Variants in TDRD7 observed in about 807,000 individuals in gnomAD.
The protein encoded by TDRD7 is tudor domain containing 7.
TDRD7 carries 47 observed loss-of-function variants against 109.8 expected under a neutral mutation model. The observed-to-expected ratio is 0.43, with a 90% CI of 0.34 to 0.55. TDRD7 has a LOEUF of 0.55. Ranked by LOEUF, TDRD7 falls within the 20% of genes least tolerant of loss-of-function variation. The pLI is 0.03. For missense variants in TDRD7, 1,164 were observed against 1,319.2 expected, an observed-to-expected ratio of 0.88 and a Z score of 1.82; for synonymous variants, 424 against 457.3, an observed-to-expected ratio of 0.93 and a Z score of 0.93.
At chr9:97,432,947 T>G (rs1188906807) in intron 4 of TDRD7, among the ~76,000 whole-genome samples, 1 of 152,178 alleles carries the variant, frequency 6.6e-6, no homozygotes, top group East Asian at 1.9e-4. Context: ...CTCTGGGTGC[T>G]TTTGCAAAAT....
chr9:97,458,227 G>A (rs1274901951), intron 6 of TDRD7, among the ~76,000 whole-genome samples: 1 of 152,148 alleles, frequency 6.6e-6, no homozygotes, highest in Non-Finnish European at 1.5e-5. Context: ...ACGTTTCTGA[G>A]AATGTATTCC....
Position 97,460,346 on chromosome 9 carries a change from A to G in TDRD7, c.1024A>G (p.Lys342Glu), listed in dbSNP as rs945071729. 6.2e-7 allele frequency: 1 copy of G among 1,614,218 alleles called. No homozygotes were observed. The highest frequency in any genetic ancestry group is 8.5e-7 in the Non-Finnish European group (1 of 1,180,038). Reference protein sequence around the residue: ...GCPTVMAGDFKEKVADLLVKY... With the variant: ...GCPTVMAGDFEEKVADLLVKY... Reference sequence around the variant, plus strand: ...TCCAACAGTTATGGCAGGAGACTTTAAAGAAAAAGTGGCAGACCTGCTGGT... The same window carrying G: ...TCCAACAGTTATGGCAGGAGACTTTGAAGAAAAAGTGGCAGACCTGCTGGT... The change falls in exon 7 of 17, where the codon AAA becomes GAA. Residue 342 changes from lysine (K) to glutamate (E), a missense_variant. By Grantham distance (56) the Lys-to-Glu change is moderately conservative. This residue lies in a region of TDRD7 where 407 missense variants were observed against 394.0 expected (regional missense o/e 1.03). Transcript: ENST00000355295.
chr9:97,465,800 T>C lies in TDRD7; in HGVS notation c.1629+772T>C, dbSNP rs527662663. On this transcript the variant is annotated intron_variant, in intron 8 of 16. Coordinates refer to ENST00000355295, the MANE Select transcript of TDRD7 (RefSeq NM_014290.3). ...TCCTTTGAATAATGGGCCTGCTACT[T>C]GATAGAGAATTTGGAGGGAGAGAAA... Among the ~76,000 whole-genome samples the C allele has an allele frequency of 3.9e-5, 6 of 152,278 alleles. No homozygotes were observed. In the South Asian group the frequency reaches 1.2e-3, roughly 32 times the overall value.
intron 6 of TDRD7, among the ~76,000 whole-genome samples, chr9:97,456,532 C>A (rs1404419415): frequency 6.6e-6 from 1 of 152,176 alleles, no homozygotes; most frequent in Non-Finnish European, 1.5e-5. Context: ...CACACATCTA[C>A]AACCATCTGA....
At chr9:97,463,029 C>T (rs769142436) in intron 7 of TDRD7, among the ~76,000 whole-genome samples, 2 of 152,236 alleles carry the variant, frequency 1.3e-5, no homozygotes, top group Admixed American at 6.5e-5. Flanking sequence ...AATGGGCAGT[C>T]GGGTGCAGTT....
chr9:97,483,171 AAC>A lies in TDRD7; in HGVS notation c.2739_2740del (p.Met914GlyfsTer23), dbSNP rs1486680770. ...CCTGTCCACTTATCAAAGCCAGGGGAACACATGGATGTGTATGTGCCTGTGGC... is the reference window on the plus strand; with the variant it reads ...CCTGTCCACTTATCAAAGCCAGGGGAACATGGATGTGTATGTGCCTGTGGC... On this transcript the variant is annotated frameshift_variant, in exon 15 of 17. Coordinates refer to ENST00000355295, the MANE Select transcript of TDRD7 (RefSeq NM_014290.3). LOFTEE classifies it high-confidence loss of function. The A allele has an allele frequency of 6.2e-7, 1 of 1,614,066 alleles. No individual in the cohort carries two copies. Among genetic ancestry groups the A allele is most frequent in the Non-Finnish European group, 8.5e-7 (1 of 1,180,028 alleles).
chr9:97,459,764 T>C (rs1828677349), intron 6 of TDRD7, among the ~76,000 whole-genome samples: 1 of 152,232 alleles, frequency 6.6e-6, no homozygotes, highest in South Asian at 2.1e-4. Context: ...ACTCCTATTT[T>C]TTCTAAATAT....
At position 97,494,779 on chromosome 9, in the gene TDRD7, C is replaced by T. The variant is rs969165949; in HGVS notation, c.3077-884C>T. Among the ~76,000 whole-genome samples, 10 of 150,576 alleles carry T rather than the reference C, an allele frequency of 6.6e-5. No homozygotes were observed. In the East Asian group the frequency reaches 9.7e-4, roughly 15 times the overall value. On this transcript the variant is annotated intron_variant, in intron 16 of 16. Coordinates refer to ENST00000355295, the MANE Select transcript of TDRD7 (RefSeq NM_014290.3). ...TGGATGGAGTACAGTGATGCAGTCA[C>T]GGCTCACTGCAGCCCTGACCTCCCA...
chr9:97,489,309 T>C (rs1829262743), intron 16 of TDRD7, among the ~76,000 whole-genome samples: 1 of 152,192 alleles, frequency 6.6e-6, no homozygotes, highest in Non-Finnish European at 1.5e-5. Context: ...TTTTGCCTCA[T>C]GTATTTTGAT....
At chr9:97,430,725 GAT>G (rs1285184529) in intron 2 of TDRD7, among the ~76,000 whole-genome samples, 1 of 152,154 alleles carries the variant, frequency 6.6e-6, no homozygotes, top group Admixed American at 6.5e-5. Context: ...GTTTAGGAAA[GAT>G]AATTCAATGT....
intron 14 of TDRD7, among the ~76,000 whole-genome samples, chr9:97,481,248 C>T (rs1179493347): frequency 6.6e-6 from 1 of 152,218 alleles, no homozygotes; most frequent in Non-Finnish European, 1.5e-5. Context: ...AAGTCCCCAA[C>T]AGAGGGACCA....
intron 6 of TDRD7, among the ~76,000 whole-genome samples, chr9:97,449,164 C>G (rs1454077527): frequency 6.6e-6 from 1 of 152,180 alleles, no homozygotes. Context: ...AAAAAATACT[C>G]AAACTATGTT....
chr9:97,464,300 A>G (rs1828785167), intron 7 of TDRD7, among the ~76,000 whole-genome samples: 1 of 151,714 alleles, frequency 6.6e-6, no homozygotes, highest in African/African-American at 2.4e-5. Context: ...TTGTTGTGGG[A>G]TATGTTGGAC....
At chr9:97,478,644 C>G in intron 13 of TDRD7, 71 bp downstream of exon 13, 1 of 1,594,276 alleles carries the variant, frequency 6.3e-7, no homozygotes, top group Non-Finnish European at 8.6e-7. Context: ...TTGTAAGATG[C>G]CTTCTCAGTT....
intron 10 of TDRD7, 115 bp downstream of exon 10, chr9:97,472,610 G>T: frequency 1.1e-6 from 1 of 910,394 alleles, no homozygotes; most frequent in East Asian, 2.6e-5. Flanking sequence ...TTTACATTGA[G>T]GGGAAAAAAG....
intron 6 of TDRD7, among the ~76,000 whole-genome samples, chr9:97,446,139 T>A (rs1343709862): frequency 6.6e-6 from 1 of 152,050 alleles, no homozygotes; most frequent in Non-Finnish European, 1.5e-5. Context: ...AAATTCCAAA[T>A]CCTGCAACAA....
chr9:97,451,443 T>C (rs1564202868), intron 6 of TDRD7, among the ~76,000 whole-genome samples: 1 of 152,036 alleles, frequency 6.6e-6, no homozygotes, highest in Admixed American at 6.6e-5. Flanking sequence ...ATGCACACTA[T>C]CACATCCAGC....
rs192000757 is a variant in TDRD7, at chr9:97,449,531, G to A, written c.855+7656G>A. Among the ~76,000 whole-genome samples, 11 of 152,314 alleles carry A rather than the reference G, an allele frequency of 7.2e-5. No homozygotes were observed. The East Asian group carries it at 2.1e-3, about 29-fold the overall frequency. On this transcript the variant is annotated intron_variant, in intron 6 of 16. Coordinates refer to ENST00000355295, the MANE Select transcript of TDRD7 (RefSeq NM_014290.3). ...ATTTATTACAAAGGATATTACAGAGGATACAGATGAAGAAATGCATAAATG... is the reference window on the plus strand; with the variant it reads ...ATTTATTACAAAGGATATTACAGAGAATACAGATGAAGAAATGCATAAATG...
At chr9:97,459,188 C>G (rs2131147511) in intron 6 of TDRD7, among the ~76,000 whole-genome samples, 1 of 152,304 alleles carries the variant, frequency 6.6e-6, no homozygotes. Context: ...AGAGCTGCAA[C>G]TAACAGATGC....
Sources: gnomAD v4.1 joint callset for allele counts (sites outside exome capture counted in the v4.1 genomes callset) on GRCh38, gnomAD v4.1.1 for gene constraint, gnomAD v4.1.1 regional missense constraint, MANE v1.5 for transcripts, NCBI Gene and HGNC (gene_info 2026-07-23, HGNC 2026-07-21) for gene names.